The following MARK3 variants were observed in gnomAD, a reference collection of about 807,000 sequenced individuals.
The protein encoded by MARK3 is microtubule affinity regulating kinase 3, also known as MAP/microtubule affinity-regulating kinase 3.
MARK3 carries 46 observed loss-of-function variants against 90.1 expected under a neutral mutation model. The ratio of observed to expected loss-of-function variants is 0.51; its 90% CI spans 0.40 to 0.65. The LOEUF (loss-of-function observed/expected upper bound fraction) is 0.65, where lower values mean the gene tolerates loss of function less well. Among genes scored for constraint, MARK3 ranks in the 30% least tolerant of loss-of-function variants. MARK3 has a pLI of 0.00. For missense variants in MARK3, 818 were observed against 947.2 expected (o/e 0.86, Z 1.79); for synonymous variants, 321 against 332.6 (o/e 0.97, Z 0.38).
At chr14:103,449,593 G>A (rs977005187) in intron 4 of MARK3, among the ~76,000 whole-genome samples, 2 of 152,086 alleles carry the variant, frequency 1.3e-5, no homozygotes, top group African/African-American at 2.4e-5. Flanking sequence ...TTTGTTTTCT[G>A]TGTCCTCTGT....
intron 12 of MARK3, among the ~76,000 whole-genome samples, chr14:103,469,915 C>G (rs1437713804): frequency 6.6e-6 from 1 of 151,558 alleles, no homozygotes; most frequent in African/African-American, 2.4e-5. Flanking sequence ...AAAAAAATTA[C>G]CTGGGCATGG....
intron 2 of MARK3, among the ~76,000 whole-genome samples, chr14:103,416,575 A>G (rs1436980279): frequency 1.3e-5 from 2 of 152,232 alleles, no homozygotes; most frequent in Non-Finnish European, 2.9e-5. Context: ...GTTCGAGACC[A>G]GCCTGGCCAA....
intron 12 of MARK3, among the ~76,000 whole-genome samples, chr14:103,473,599 AGTT>A (rs1282141065): frequency 1.3e-5 from 2 of 152,222 alleles, no homozygotes; most frequent in East Asian, 3.8e-4. Context: ...CCGAAAGCTT[AGTT>A]GTTGTTCTCC....
chr14:103,460,103 TTG>T lies in MARK3; in HGVS notation c.484-2301_484-2300del, dbSNP rs1491043131. ...TTTTTTTTTTTTTTTTTTTTTTTTT[TTG>T]AGACAAATCTCGCTTTGTCGCCCAG... On this transcript the variant is annotated intron_variant, in intron 6 of 17. Coordinates refer to ENST00000429436, the MANE Select transcript of MARK3 (RefSeq NM_001128918.3). Among the ~76,000 whole-genome samples the T allele has an allele frequency of 5.4e-4, 60 of 110,464 alleles. 2 individuals are homozygous for T. Among genetic ancestry groups the T allele is most frequent in the Non-Finnish European group, 1.0e-3 (53 of 53,092 alleles). The allele number at this position is 110,464 out of a possible 152,430, so 72.5% of individuals were successfully genotyped here. A position where few individuals can be genotyped will look rare whatever the true frequency, so the allele number is the denominator to read the frequency against.
chr14:103,488,773 G>A (rs750500783), intron 14 of MARK3, among the ~76,000 whole-genome samples: 1 of 152,204 alleles, frequency 6.6e-6, no homozygotes, highest in Non-Finnish European at 1.5e-5. Context: ...GGAGGTTGAG[G>A]CTGCAGCAAG....
intron 15 of MARK3, among the ~76,000 whole-genome samples, chr14:103,494,167 G>A (rs1161395975): frequency 6.6e-6 from 1 of 151,196 alleles, no homozygotes; most frequent in Admixed American, 6.6e-5. Flanking sequence ...CTGGGAGGCG[G>A]AGGTTGCATC....
intron 1 of MARK3, among the ~76,000 whole-genome samples, chr14:103,393,735 CA>C (rs2090411428): frequency 6.6e-6 from 1 of 150,732 alleles, no homozygotes; most frequent in South Asian, 2.1e-4. Flanking sequence ...TATTTGATTG[CA>C]AAGAGGATTG....
At chr14:103,416,756 G>C (rs926795749) in intron 2 of MARK3, among the ~76,000 whole-genome samples, 2 of 152,074 alleles carry the variant, frequency 1.3e-5, no homozygotes, top group Non-Finnish European at 2.9e-5. Context: ...TGGGCAACAA[G>C]AGCAAAACTC....
At chr14:103,433,093 C>CTTTTCTTTTTT (rs2092630279) in intron 3 of MARK3, among the ~76,000 whole-genome samples, 1 of 118,034 alleles carries the variant, frequency 8.5e-6, no homozygotes, top group Non-Finnish European at 1.8e-5. Context: ...CTTTTCTTTT[C>CTTTTCTTTTTT]TTTTTTTTTT....
intron 6 of MARK3, among the ~76,000 whole-genome samples, chr14:103,460,127 C>T (rs1476461959): frequency 4.9e-5 from 5 of 103,036 alleles, no homozygotes; most frequent in Non-Finnish European, 9.0e-5. Flanking sequence ...GCTTTGTCGC[C>T]CAGGCTGGAG....
chr14:103,402,186 T>C (rs993343343), intron 1 of MARK3, among the ~76,000 whole-genome samples: 14 of 152,152 alleles, frequency 9.2e-5, no homozygotes, highest in African/African-American at 3.4e-4. Context: ...GAAGAAGCGC[T>C]AAGGAGTTAG....
At chr14:103,402,484 G>A (rs1188761533) in intron 1 of MARK3, among the ~76,000 whole-genome samples, 2 of 151,796 alleles carry the variant, frequency 1.3e-5, no homozygotes, top group Non-Finnish European at 2.9e-5. Flanking sequence ...CCTGGGAGGC[G>A]GAGGTTGCAG....
chr14:103,466,265 GA>G, intron 9 of MARK3, 77 bp from the exon 10 acceptor site: 1 of 1,320,854 alleles, frequency 7.6e-7, no homozygotes, highest in South Asian at 1.3e-5. Context: ...ATGAAATGTT[GA>G]AAATAAATTT....
chr14:103,449,779 A>C (rs971054807), intron 4 of MARK3, among the ~76,000 whole-genome samples: 1 of 152,252 alleles, frequency 6.6e-6, no homozygotes. Flanking sequence ...AAAAAATTAC[A>C]TAACTGCTTT....
chr14:103,420,389 C>G (rs909173721), intron 2 of MARK3, among the ~76,000 whole-genome samples: 1 of 133,732 alleles, frequency 7.5e-6, no homozygotes, highest in Admixed American at 7.2e-5. Context: ...ACTACCACAT[C>G]CGGCTGATTT....
chr14:103,476,268 G>A (rs1264778110), intron 13 of MARK3, among the ~76,000 whole-genome samples: 3 of 152,230 alleles, frequency 2.0e-5, no homozygotes, highest in Non-Finnish European at 4.4e-5. Flanking sequence ...GTGCACACAC[G>A]GGGAGGTCTG....
At chr14:103,466,141 G>A (rs751602182) in intron 9 of MARK3, 50 bp downstream of exon 9, 3 of 1,600,026 alleles carry the variant, frequency 1.9e-6, no homozygotes, top group Non-Finnish European at 2.6e-6. Flanking sequence ...TCTTTAGAGT[G>A]ACCTTAGATC....
intron 2 of MARK3, among the ~76,000 whole-genome samples, chr14:103,415,633 T>C (rs772189950): frequency 1.5e-4 from 22 of 151,630 alleles, no homozygotes; most frequent in Non-Finnish European, 3.1e-4. Context: ...TTCATTATTT[T>C]CCCCCCACTA....
At chr14:103,391,527 G>A (rs536956056) in intron 1 of MARK3, among the ~76,000 whole-genome samples, 43 of 149,550 alleles carry the variant, frequency 2.9e-4, no homozygotes, top group African/African-American at 9.8e-4. Context: ...ATAGTTGGCT[G>A]ATATGTCAAA....
Sources: gnomAD v4.1 joint callset for allele counts (sites outside exome capture counted in the v4.1 genomes callset) on GRCh38, gnomAD v4.1.1 for gene constraint, MANE v1.5 for transcripts, NCBI Gene and HGNC (gene_info 2026-07-23, HGNC 2026-07-21) for gene names.